PDCD2: variants seen among roughly 807,000 people sequenced by gnomAD.
The protein encoded by PDCD2 is uS5 assembly chaperone PDCD2.
PDCD2 carries 38 observed loss-of-function variants against 38.1 expected under a neutral mutation model. The observed-to-expected ratio is 1.00, with a 90% CI of 0.77 to 1.31. PDCD2 has a LOEUF of 1.31. PDCD2 is among the 50% of genes most tolerant of loss of function. The pLI is 0.00. For synonymous variants in PDCD2, 205 were observed against 168.9 expected (o/e 1.21, Z -1.66); for missense variants, 473 against 435.7 (o/e 1.09, Z -0.76).
chr6:170,580,275 C>T (rs932191002), intron 3 of PDCD2, among the ~76,000 whole-genome samples, 170 bp from the exon 4 acceptor site: 2 of 152,230 alleles, frequency 1.3e-5, no homozygotes, highest in African/African-American at 2.4e-5. Context: ...ATTATATGGA[C>T]TTCCATTTAG....
At chr6:170,581,974 T>G (rs1298572110) in intron 3 of PDCD2, 1 of 684,978 alleles carries the variant, frequency 1.5e-6, no homozygotes, top group Admixed American at 3.4e-5. Flanking sequence ...CACAGTCACA[T>G]TTACACTAAC....
rs569054156 is a variant in PDCD2 at position 170,584,225 on chromosome 6, CT to C, written c.283+73del. On this transcript the variant is annotated intron_variant, in intron 1 of 5. Transcript: ENST00000541970. ...GGCAGCGGTGCTTGCCGCCGTCCCC[CT>C]GGTCGCTCCCGGAATTAACGCCGCG... is the stretch of plus-strand genomic sequence containing the variant. 2.2e-4 allele frequency: 285 copies of C among 1,298,472 alleles called. 5 individuals are homozygous for C. The South Asian group carries it at 6.3e-3, about 29-fold the overall frequency. The allele number at this position is 1,298,472 out of a possible 1,614,324, so 80.4% of individuals were successfully genotyped here. A position where few individuals can be genotyped will look rare whatever the true frequency, so the allele number is the denominator to read the frequency against.
At chr6:170,578,130 A>T (rs566165249) in intron 5 of PDCD2, among the ~76,000 whole-genome samples, 1 of 151,564 alleles carries the variant, frequency 6.6e-6, no homozygotes, top group Admixed American at 6.6e-5. Flanking sequence ...GAGGAATCTT[A>T]GAAGTAGTCT....
rs368569104 is a variant in PDCD2, at chr6:170,583,577, C to T, written c.454G>A (p.Ala152Thr). ...GPKTCSRCHK[A>T]YYCSKEHQTL... ...TGATGCTCCTTGCTGCAGTAATATG[C>T]TTTGTGGCATCTGGAGCACGTTTTG... The change falls in exon 2 of 6, where the codon GCA (alanine) becomes ACA (threonine). Residue 152 changes from alanine to threonine, a missense_variant. Coordinates refer to ENST00000541970, the MANE Select transcript of PDCD2 (RefSeq NM_002598.4). The T allele has an allele frequency of 5.0e-6, 8 of 1,613,872 alleles. No individual in the cohort carries two copies. Among genetic ancestry groups the T allele is most frequent in the Non-Finnish European group, 4.2e-6 (5 of 1,179,832 alleles).
chr6:170,584,164 TG>T, intron 1 of PDCD2, 134 bp downstream of exon 1: 1 of 1,000,922 alleles, frequency 1.0e-6, no homozygotes, highest in Non-Finnish European at 1.3e-6. Context: ...AAGGTGCTCC[TG>T]GGGCAGCGCG....
At position 170,584,445 on chromosome 6, in the gene PDCD2, G is replaced by T; in HGVS notation, c.137C>A (p.Pro46His). The T allele has an allele frequency of 1.5e-6, 2 of 1,325,190 alleles. No homozygotes were observed. Among genetic ancestry groups the T allele is most frequent in the Non-Finnish European group, 9.6e-7 (1 of 1,043,394 alleles). 82.1% of individuals were successfully genotyped at this position (1,325,190 alleles called of 1,614,324 possible). ...AWLGAAGLPG[P>H]QALACELCGR... is the part of the protein sequence containing the mutation. ...GCACAGCTCGCAGGCCAGGGCCTGG[G>T]GCCCCGGCAGCCCGGCCGCGCCCAG... Residue 46 changes from proline (P) to histidine (H), a missense_variant, in exon 1 of 6, where the codon CCC becomes CAC. By Grantham distance (77) the Pro-to-His change is moderately conservative (BLOSUM62 -2). Transcript: ENST00000541970.
At chr6:170,579,620 A>G (rs779586036) in intron 4 of PDCD2, 1 of 158,424 alleles carries the variant, frequency 6.3e-6, no homozygotes, top group African/African-American at 2.4e-5. Context: ...GTCACATTTT[A>G]CAAGCCAAAG....
At position 170,580,099 on chromosome 6, in the gene PDCD2, G is replaced by A. The variant is rs1413154881; in HGVS notation, c.665C>T (p.Ala222Val). The A allele has an allele frequency of 1.3e-6, 2 of 1,595,162 alleles. No individual in the cohort carries two copies. Among genetic ancestry groups the A allele is most frequent in the African/African-American group, 2.7e-5 (2 of 74,554 alleles). ...YSEIIGSMGE[A>V]LEEELDSMAK... Reference sequence around the variant, plus strand: ...CATGGAATCCAGTTCTTCCTCAAGTGCTTCACCTGAAAAATCAACGTAACT... The same window carrying A: ...CATGGAATCCAGTTCTTCCTCAAGTACTTCACCTGAAAAATCAACGTAACT... The change falls in exon 4 of 6, where the codon GCA becomes GTA. Residue 222 changes from alanine (A) to valine (V), a missense_variant. Transcript: ENST00000541970.
Position 170,580,058 on chromosome 6 carries a change from T to C in PDCD2, c.706A>G (p.Arg236Gly), listed in dbSNP as rs1376069332. The C allele has an allele frequency of 2.5e-6, 4 of 1,612,504 alleles. No individual in the cohort carries two copies. Among genetic ancestry groups the C allele is most frequent in the Non-Finnish European group, 3.4e-6 (4 of 1,178,746 alleles). ...ELDSMAKHES[R>G]EDKIFQKFKT... ...AACTTCTGAAAAATTTTATCTTCCC[T>C]GGATTCATGTTTTGCCATGGAATCC... Residue 236 changes from arginine (R) to glycine (G), a missense_variant, in exon 4 of 6, where the codon AGG becomes GGG. Arg to Gly is a moderately radical substitution (Grantham distance 125). Coordinates refer to ENST00000541970, the MANE Select transcript of PDCD2 (RefSeq NM_002598.4).
chr6:170,580,530 C>T (rs564899817), intron 3 of PDCD2, among the ~76,000 whole-genome samples: 1 of 152,222 alleles, frequency 6.6e-6, no homozygotes, highest in Non-Finnish European at 1.5e-5. Context: ...GCCTGGCCAA[C>T]ATGGTGAAAT....
rs1236491187 is a variant in PDCD2 at position 170,582,755 on chromosome 6, C to T, written c.658+302G>A. 8 of 1,268,972 alleles carry T rather than the reference C, an allele frequency of 6.3e-6. No individual in the cohort carries two copies. The African/African-American group carries it at 9.2e-5, about 15-fold the overall frequency. 78.6% of individuals were successfully genotyped at this position (1,268,972 alleles called of 1,614,324 possible). Reference sequence around the variant, plus strand: ...ACTGTGCTAGGCACTCACACTATCCCGACCCGAGAAACCGATCTGCGACCC... The same window carrying T: ...ACTGTGCTAGGCACTCACACTATCCTGACCCGAGAAACCGATCTGCGACCC... On this transcript the variant is annotated intron_variant, in intron 3 of 5. Coordinates refer to ENST00000541970, the MANE Select transcript of PDCD2 (RefSeq NM_002598.4).
At chr6:170,582,811 TGCAGCCCTACTCATGGG>T in intron 3 of PDCD2, 1 of 1,320,442 alleles carries the variant, frequency 7.6e-7, no homozygotes, top group South Asian at 2.1e-5. Flanking sequence ...CAGCATCTTG[TGCAGCCCTACTCATGGG>T]ACCATCTGGA....
chr6:170,581,524 T>C (rs1246257268), intron 3 of PDCD2: 1 of 152,648 alleles, frequency 6.6e-6, no homozygotes, highest in East Asian at 1.9e-4. Context: ...ATCTTTGATA[T>C]GACCATGTTC....
chr6:170,579,947 C>A, intron 4 of PDCD2, 55 bp downstream of exon 4: 1 of 896,162 alleles, frequency 1.1e-6, no homozygotes, highest in South Asian at 1.3e-5. Flanking sequence ...ACAGATTATA[C>A]TCATAAAACA....
In PDCD2 at chr6:170,584,467, C is replaced by A. The variant is rs1779748142; in HGVS notation, c.115G>T (p.Gly39Cys). The change falls in exon 1 of 6, where the codon GGC becomes TGC. Residue 39 changes from glycine (G) to cysteine (C), a missense_variant. Physicochemically the swap from Gly to Cys is radical, Grantham distance 159. Transcript: ENST00000541970. The part of the protein sequence containing the change: ...SKVGGRPAWL[G>C]AAGLPGPQAL... ...TGGGGCCCCGGCAGCCCGGCCGCGCCCAGCCATGCCGGCCGCCCGCCCACC... is the reference window on the plus strand; with the variant it reads ...TGGGGCCCCGGCAGCCCGGCCGCGCACAGCCATGCCGGCCGCCCGCCCACC... 1 of 1,311,810 alleles carries A rather than the reference C, an allele frequency of 7.6e-7. No individual in the cohort carries two copies. The highest frequency in any genetic ancestry group is 9.6e-7 in the Non-Finnish European group (1 of 1,038,724). 81.3% of individuals were successfully genotyped at this position (1,311,810 alleles called of 1,614,324 possible).
intron 5 of PDCD2, 30 bp from the exon 6 acceptor site, chr6:170,577,747 G>C: frequency 6.2e-7 from 1 of 1,609,090 alleles, no homozygotes; most frequent in Non-Finnish European, 8.5e-7. Flanking sequence ...CAGTTAGAAA[G>C]CTGCTTCACA....
intron 3 of PDCD2, chr6:170,582,237 C>A: frequency 6.9e-7 from 1 of 1,440,488 alleles, no homozygotes; most frequent in Non-Finnish European, 9.4e-7. Flanking sequence ...GAGCATCTGA[C>A]CACTGGAGTG....
At chr6:170,578,815 CATG>C (rs1779517315) in intron 5 of PDCD2, 39 bp downstream of exon 5, 1 of 1,213,618 alleles carries the variant, frequency 8.2e-7, no homozygotes. Flanking sequence ...TAAAAACAAT[CATG>C]GTGATTACAC....
At chr6:170,582,021 T>G in intron 3 of PDCD2, 1 of 1,217,942 alleles carries the variant, frequency 8.2e-7, no homozygotes, top group Non-Finnish European at 1.1e-6. Context: ...TCCTTGATCC[T>G]GCTACTCTAG....
Sources: allele counts gnomAD v4.1 joint callset (sites outside exome capture counted in the v4.1 genomes callset), GRCh38; gene constraint gnomAD v4.1.1; transcripts MANE v1.5; gene names NCBI Gene and HGNC (gene_info 2026-07-23, HGNC 2026-07-21).